The following GALNT13 variants were observed in gnomAD, a reference collection of about 807,000 sequenced individuals.
GALNT13 encodes UDP-GalNAc:polypeptide N-acetylgalactosaminyltransferase 13.
GALNT13 carries 28 observed loss-of-function variants against 64.2 expected under a neutral mutation model. The ratio of observed to expected loss-of-function variants is 0.44; its 90% CI spans 0.32 to 0.60. The LOEUF is 0.60. Among genes scored for constraint, GALNT13 ranks in the 20% least tolerant of loss-of-function variants. GALNT13 has a pLI of 0.05. For missense variants in GALNT13, 577 were observed against 669.8 expected (o/e 0.86, Z 1.53); for synonymous variants, 214 against 224.6 (o/e 0.95, Z 0.42).
chr2:153,562,395 C>T, the GALNT13 span, among the ~76,000 whole-genome samples: 1 of 152,082 alleles, frequency 6.6e-6, no homozygotes, highest in Non-Finnish European at 1.5e-5. Context: ...ATCACTTACA[C>T]CAAATCACAC....
At chr2:153,102,301 T>C in the GALNT13 span, among the ~76,000 whole-genome samples, 1 of 152,040 alleles carries the variant, frequency 6.6e-6, no homozygotes, top group African/African-American at 2.4e-5. Flanking sequence ...ATTCATTCCT[T>C]TTTTTCAAAT....
the GALNT13 span, among the ~76,000 whole-genome samples, chr2:153,172,834 A>G: frequency 2.6e-5 from 4 of 152,158 alleles, no homozygotes; most frequent in African/African-American, 4.8e-5. Flanking sequence ...AAGACTGAAC[A>G]TCCCTAAGAG....
At position 153,935,635 on chromosome 2, in the gene GALNT13, G is replaced by A. The variant is rs149930378; in HGVS notation, c.-104-8759G>A. Among the ~76,000 whole-genome samples, 43 of 152,336 alleles carry A rather than the reference G, an allele frequency of 2.8e-4. 1 individual carries two copies. The South Asian group carries it at 7.0e-3, about 25-fold the overall frequency. On this transcript the variant is annotated intron_variant, in intron 2 of 12. Coordinates refer to ENST00000392825, the MANE Select transcript of GALNT13 (RefSeq NM_052917.4). ...CATTTATGGCATCAGGCACAGCAGAGCAGTTCAGGACTGGCCATGCCCACA... is the reference window on the plus strand; with the variant it reads ...CATTTATGGCATCAGGCACAGCAGAACAGTTCAGGACTGGCCATGCCCACA...
At chr2:153,727,280 C>T in the GALNT13 span, among the ~76,000 whole-genome samples, 1 of 152,156 alleles carries the variant, frequency 6.6e-6, no homozygotes, top group African/African-American at 2.4e-5. Flanking sequence ...TTTTGCTTAA[C>T]AAAAGGTTTG....
chr2:153,438,040 G>A, the GALNT13 span, among the ~76,000 whole-genome samples: 2 of 152,272 alleles, frequency 1.3e-5, no homozygotes, highest in South Asian at 2.1e-4. Flanking sequence ...AAATCTCTCA[G>A]CATTTGCTTG....
the GALNT13 span, among the ~76,000 whole-genome samples, chr2:153,584,467 C>T: frequency 6.6e-6 from 1 of 152,214 alleles, no homozygotes; most frequent in Non-Finnish European, 1.5e-5. Flanking sequence ...CACACAGCCA[C>T]TTGCAACCAT....
At chr2:154,412,727 A>G (rs1484934908) in intron 11 of GALNT13, among the ~76,000 whole-genome samples, 1 of 151,788 alleles carries the variant, frequency 6.6e-6, no homozygotes, top group Non-Finnish European at 1.5e-5. Flanking sequence ...AATGGAGTTA[A>G]TGAAAGTTTT....
chr2:154,344,410 C>G (rs1695951407), intron 9 of GALNT13, among the ~76,000 whole-genome samples: 1 of 152,004 alleles, frequency 6.6e-6, no homozygotes. Context: ...CAGCCCTGAG[C>G]TGACATCAAT....
At chr2:153,569,870 G>A in the GALNT13 span, among the ~76,000 whole-genome samples, 2 of 152,002 alleles carry the variant, frequency 1.3e-5, no homozygotes, top group South Asian at 2.1e-4. Context: ...CACTCTCTAC[G>A]TCCTTCTGCT....
the GALNT13 span, among the ~76,000 whole-genome samples, chr2:153,345,654 T>C: frequency 7.5e-6 from 1 of 133,612 alleles, no homozygotes; most frequent in Non-Finnish European, 1.6e-5. Context: ...TTTCTTTCTT[T>C]CTTTCTTTCT....
the GALNT13 span, among the ~76,000 whole-genome samples, chr2:153,760,742 C>A: frequency 2.0e-5 from 3 of 152,042 alleles, no homozygotes; most frequent in African/African-American, 7.2e-5. Flanking sequence ...TCTATTACAT[C>A]CGTTTGGTCT....
chr2:153,078,243 A>G, the GALNT13 span, among the ~76,000 whole-genome samples: 1 of 150,324 alleles, frequency 6.7e-6, no homozygotes. Context: ...ATTATTTTCT[A>G]TCAACTTTGG....
chr2:154,211,100 T>G (rs1687733836), intron 4 of GALNT13, among the ~76,000 whole-genome samples: 1 of 150,342 alleles, frequency 6.7e-6, no homozygotes, highest in Non-Finnish European at 1.5e-5. Flanking sequence ...AATGTGTGAG[T>G]TTTCAACATC....
chr2:153,710,629 C>T, the GALNT13 span, among the ~76,000 whole-genome samples: 7 of 152,022 alleles, frequency 4.6e-5, no homozygotes, highest in Non-Finnish European at 1.0e-4. Context: ...TAGAATATAG[C>T]TCCTAGAGAG....
chr2:153,436,350 G>A, the GALNT13 span, among the ~76,000 whole-genome samples: 2 of 152,222 alleles, frequency 1.3e-5, no homozygotes, highest in African/African-American at 4.8e-5. Flanking sequence ...CATAAAATGA[G>A]TTAGGGAGGA....
intron 1 of GALNT13, among the ~76,000 whole-genome samples, chr2:153,885,383 T>C (rs1687101661): frequency 6.6e-6 from 1 of 152,094 alleles, no homozygotes; most frequent in Non-Finnish European, 1.5e-5. Context: ...TTTATGAATG[T>C]GTGTAACCAG....
chr2:153,204,436 T>C, the GALNT13 span, among the ~76,000 whole-genome samples: 2 of 152,218 alleles, frequency 1.3e-5, no homozygotes, highest in African/African-American at 2.4e-5. Context: ...TGGGAACTCA[T>C]TCCAGAATTT....
chr2:153,327,133 C>G, the GALNT13 span, among the ~76,000 whole-genome samples: 2 of 152,026 alleles, frequency 1.3e-5, no homozygotes, highest in African/African-American at 2.4e-5. Flanking sequence ...TTGGCCCTCA[C>G]TCTCTTTTGA....
intron 2 of GALNT13, among the ~76,000 whole-genome samples, chr2:153,903,811 C>T (rs1558844256): frequency 6.6e-6 from 1 of 151,892 alleles, no homozygotes; most frequent in Non-Finnish European, 1.5e-5. Flanking sequence ...ATTAAGGAGA[C>T]AGAGCAATGA....
Sources: allele counts gnomAD v4.1 joint callset (sites outside exome capture counted in the v4.1 genomes callset), GRCh38; gene constraint gnomAD v4.1.1; transcripts MANE v1.5; gene names NCBI Gene and HGNC (gene_info 2026-07-23, HGNC 2026-07-21).